Variants in NRG3 observed in about 807,000 individuals in gnomAD.
The protein encoded by NRG3 is neuregulin 3.
NRG3 carries 31 observed loss-of-function variants against 66.9 expected under a neutral mutation model. The observed-to-expected ratio is 0.46, with a 90% CI of 0.35 to 0.63. The LOEUF (loss-of-function observed/expected upper bound fraction) is 0.63, where lower values mean the gene tolerates loss of function less well. Among genes scored for constraint, NRG3 ranks in the 20% least tolerant of loss-of-function variants. The pLI, the probability that NRG3 is intolerant of heterozygous loss-of-function variation, is 0.00. For missense variants in NRG3, 910 were observed against 878.9 expected (o/e 1.04, Z -0.45); for synonymous variants, 393 against 359.4 (o/e 1.09, Z -1.06).
chr10:82,156,839 G>A (rs570484366), intron 1 of NRG3, among the ~76,000 whole-genome samples: 3 of 151,588 alleles, frequency 2.0e-5, no homozygotes, highest in Non-Finnish European at 4.4e-5. Context: ...ATACAAATAA[G>A]TTTATGTTGA....
At chr10:82,085,762 A>C (rs373209396) in intron 1 of NRG3, among the ~76,000 whole-genome samples, 1 of 152,050 alleles carries the variant, frequency 6.6e-6, no homozygotes, top group African/African-American at 2.4e-5. Flanking sequence ...TCAGCCTCCC[A>C]AGTAACCAGG....
At chr10:82,435,777 TTC>T (rs2090099935) in intron 2 of NRG3, among the ~76,000 whole-genome samples, 3 of 141,996 alleles carry the variant, frequency 2.1e-5, no homozygotes, top group African/African-American at 8.2e-5. Flanking sequence ...TTCTTTTCTT[TTC>T]TTTTTTTTTT....
intron 1 of NRG3, among the ~76,000 whole-genome samples, chr10:82,268,596 A>C (rs1262043133): frequency 1.3e-5 from 2 of 152,134 alleles, no homozygotes; most frequent in East Asian, 3.9e-4. Flanking sequence ...TGGCCGTATT[A>C]TGAAAACAGC....
intron 1 of NRG3, among the ~76,000 whole-genome samples, chr10:82,008,273 A>G (rs1383707570): frequency 6.6e-6 from 1 of 152,216 alleles, no homozygotes; most frequent in African/African-American, 2.4e-5. Context: ...GGTCAGGGAA[A>G]GACATCTGAA....
intron 4 of NRG3, among the ~76,000 whole-genome samples, chr10:82,923,769 C>G (rs1440231736): frequency 2.6e-5 from 4 of 151,902 alleles, no homozygotes; most frequent in Non-Finnish European, 4.4e-5. Context: ...ACATTAAGAT[C>G]TCTCTCCTTT....
Position 82,491,293 on chromosome 10 carries a change from A to AATATATATAT in NRG3, c.953+132439_953+132448dup, listed in dbSNP as rs10652539. Among the ~76,000 whole-genome samples the AATATATATAT allele has an allele frequency of 5.8e-3, 475 of 82,188 alleles. 8 individuals are homozygous for AATATATATAT. Among genetic ancestry groups the AATATATATAT allele is most frequent in the African/African-American group, 0.016 (462 of 28,476 alleles). The allele number at this position is 82,188 out of a possible 152,430, so 53.9% of individuals were successfully genotyped here. A position where few individuals can be genotyped will look rare whatever the true frequency, so the allele number is the denominator to read the frequency against. ...GATTCTGCCTATGCTGTTCCCATAA[A>AATATATATAT]ATATATATATATATATATATATAAA... On this transcript the variant is annotated intron_variant, in intron 2 of 8. Transcript: ENST00000372141.
chr10:82,408,085 CAGAAAGAAAGAA>C (rs71009807), intron 2 of NRG3, among the ~76,000 whole-genome samples: 2,311 of 74,754 alleles, frequency 0.031, 60 homozygotes, highest in Non-Finnish European at 0.035. Context: ...GAGAGAGAGA[CAGAAAGAAAGAA>C]AGAAAGAAAG....
rs57924931 is a variant in NRG3, at chr10:82,234,324, C to T, written c.824-124415C>T. Among the ~76,000 whole-genome samples, 224 of 152,298 alleles carry T rather than the reference C, an allele frequency of 1.5e-3. 1 individual carries two copies. The highest frequency in any genetic ancestry group is 2.6e-3 in the Non-Finnish European group (178 of 68,032). On this transcript the variant is annotated intron_variant, in intron 1 of 8. Coordinates refer to ENST00000372141, the MANE Select transcript of NRG3 (RefSeq NM_001010848.4). ...AAAGATCTCCATAGAAACACTGTCT[C>T]TGTCTACTCTGTCTAAATTATTCCC...
At chr10:82,350,130 T>TA (rs1165004729) in intron 1 of NRG3, among the ~76,000 whole-genome samples, 9 of 152,132 alleles carry the variant, frequency 5.9e-5, no homozygotes, top group South Asian at 4.2e-4. Flanking sequence ...CATGAAAAAA[T>TA]AAAAAAACCT....
In NRG3 at chr10:82,390,503, A is replaced by T. The variant is rs1259505354; in HGVS notation, c.953+31635A>T. On this transcript the variant is annotated intron_variant, in intron 2 of 8. Coordinates refer to ENST00000372141, the MANE Select transcript of NRG3 (RefSeq NM_001010848.4). ...GGGAAAATTCTCTTTAAATAGGGGG[A>T]CCTACTTATGCATCTGATTTGCCCG... 2.6e-5 allele frequency among the ~76,000 whole-genome samples: 4 copies of T among 151,960 alleles called. No homozygotes were observed. The East Asian group carries it at 7.7e-4, about 29-fold the overall frequency.
chr10:82,643,499 C>G (rs1179207704), intron 2 of NRG3, among the ~76,000 whole-genome samples: 5 of 151,998 alleles, frequency 3.3e-5, no homozygotes, highest in African/African-American at 1.2e-4. Context: ...AGTGTGAAAA[C>G]TGACTGATAC....
At chr10:82,286,540 C>T (rs573493884) in intron 1 of NRG3, among the ~76,000 whole-genome samples, 1 of 152,260 alleles carries the variant, frequency 6.6e-6, no homozygotes, top group East Asian at 1.9e-4. Flanking sequence ...AATGTGCAGA[C>T]AATTTAATTC....
rs563460423 is a variant in NRG3 at position 82,500,723 on chromosome 10, C to G, written c.953+141855C>G. Among the ~76,000 whole-genome samples, 13 of 152,258 alleles carry G rather than the reference C, an allele frequency of 8.5e-5. No individual in the cohort carries two copies. In the South Asian group the frequency reaches 2.3e-3, roughly 27 times the overall value. Reference sequence around the variant, plus strand: ...AGGAATCACTGGATTTATAGTTGGCCTATACTGAACTTTTGGTTCTATGTG... The same window carrying G: ...AGGAATCACTGGATTTATAGTTGGCGTATACTGAACTTTTGGTTCTATGTG... On this transcript the variant is annotated intron_variant, in intron 2 of 8. Coordinates refer to ENST00000372141, the MANE Select transcript of NRG3 (RefSeq NM_001010848.4).
At chr10:81,972,471 C>A (rs577941870) in intron 1 of NRG3, among the ~76,000 whole-genome samples, 2 of 151,876 alleles carry the variant, frequency 1.3e-5, no homozygotes, top group African/African-American at 4.8e-5. Flanking sequence ...AAAAATATAA[C>A]CAAGTCAAAT....
At chr10:82,565,164 G>A (rs79107754) in intron 2 of NRG3, among the ~76,000 whole-genome samples, 1,751 of 152,212 alleles carry the variant, frequency 0.012, 13 homozygotes, top group Non-Finnish European at 0.018. Context: ...AAATTTCATG[G>A]AAGACTTGAA....
chr10:82,884,754 C>T (rs1842595650), intron 4 of NRG3, among the ~76,000 whole-genome samples: 1 of 152,178 alleles, frequency 6.6e-6, no homozygotes, highest in Admixed American at 6.5e-5. Flanking sequence ...ACTCTTCATA[C>T]TGCAAAGACA....
At position 82,369,072 on chromosome 10, in the gene NRG3, T is replaced by C. The variant is rs1211977528; in HGVS notation, c.953+10204T>C. On this transcript the variant is annotated intron_variant, in intron 2 of 8. Transcript: ENST00000372141. ...TGGGTTCCTGAGCATGCTATTTCTT[T>C]CCAAATCACTTTTGTCTGATCATCA... Among the ~76,000 whole-genome samples, 2 of 138,418 alleles carry C rather than the reference T, an allele frequency of 1.4e-5. 1 individual carries two copies. The highest frequency in any genetic ancestry group is 4.3e-4 in the East Asian group (2 of 4,670). 90.8% of individuals were successfully genotyped at this position (138,418 alleles called of 152,430 possible).
chr10:82,131,665 A>G (rs1381530812), intron 1 of NRG3, among the ~76,000 whole-genome samples: 2 of 152,176 alleles, frequency 1.3e-5, no homozygotes, highest in African/African-American at 4.8e-5. Flanking sequence ...CTTGCAATCC[A>G]TGAACATGGA....
At chr10:82,327,541 G>A (rs1280904066) in intron 1 of NRG3, among the ~76,000 whole-genome samples, 1 of 152,192 alleles carries the variant, frequency 6.6e-6, no homozygotes, top group Non-Finnish European at 1.5e-5. Flanking sequence ...CTTCAGCGGA[G>A]GCAGAGATGT....
Sources: allele counts gnomAD v4.1 joint callset (sites outside exome capture counted in the v4.1 genomes callset), GRCh38; gene constraint gnomAD v4.1.1; transcripts MANE v1.5; gene names NCBI Gene and HGNC (gene_info 2026-07-23, HGNC 2026-07-21).